The following PDE1C variants were observed in gnomAD, a reference collection of about 807,000 sequenced individuals.
PDE1C encodes phosphodiesterase 1C.
A neutral mutation model predicts 93.1 loss-of-function variants in PDE1C; 62 were observed. The observed-to-expected ratio is 0.67, with a 90% CI of 0.54 to 0.82. The LOEUF is 0.82. Ranked by LOEUF, PDE1C falls within the 40% of genes least tolerant of loss-of-function variation. The pLI, the probability that PDE1C is intolerant of heterozygous loss-of-function variation, is 0.00. For missense variants in PDE1C, 742 were observed against 884.6 expected (o/e 0.84, Z 2.04); for synonymous variants, 325 against 310.1 (o/e 1.05, Z -0.50).
chr7:31,770,789 GC>G (rs1795436866), intron 17 of PDE1C, among the ~76,000 whole-genome samples: 1 of 152,050 alleles, frequency 6.6e-6, no homozygotes, highest in South Asian at 2.1e-4. Context: ...GAGCCACCAA[GC>G]CCAGCCGTTT....
chr7:31,855,287 C>T (rs565744360), intron 7 of PDE1C, among the ~76,000 whole-genome samples: 2 of 152,114 alleles, frequency 1.3e-5, no homozygotes, highest in Non-Finnish European at 2.9e-5. Context: ...TCCACAGTTT[C>T]CCTCTTCACC....
chr7:32,027,424 G>C (rs1258123015), intron 2 of PDE1C, among the ~76,000 whole-genome samples: 2 of 151,896 alleles, frequency 1.3e-5, no homozygotes, highest in African/African-American at 4.8e-5. Context: ...ATGGTGTATT[G>C]TGTGGGTTTC....
intron 1 of PDE1C, among the ~76,000 whole-genome samples, chr7:32,260,881 G>C (rs1176870662): frequency 6.6e-6 from 1 of 152,232 alleles, no homozygotes; most frequent in Non-Finnish European, 1.5e-5. Flanking sequence ...AGCACTTTGG[G>C]AGGCCCAGGT....
At chr7:31,907,772 T>C (rs1800775948) in intron 2 of PDE1C, among the ~76,000 whole-genome samples, 1 of 152,186 alleles carries the variant, frequency 6.6e-6, no homozygotes, top group Non-Finnish European at 1.5e-5. Flanking sequence ...AAGCCATTCA[T>C]AAAGTGAGTT....
chr7:32,332,829 G>A (rs6951339), intron 1 of PDE1C, among the ~76,000 whole-genome samples: 3,727 of 152,140 alleles, frequency 0.024, 78 homozygotes, highest in African/African-American at 0.054. Context: ...CTCAAAAACA[G>A]GCAAAACTAT....
chr7:32,422,394 G>T (rs1317342655), intron 1 of PDE1C, among the ~76,000 whole-genome samples: 1 of 152,092 alleles, frequency 6.6e-6, no homozygotes, highest in African/African-American at 2.4e-5. Flanking sequence ...TGGATATATT[G>T]CATGGTGCTG....
At chr7:32,078,261 C>T (rs1739920405) in intron 3 of PDE1C, among the ~76,000 whole-genome samples, 2 of 152,210 alleles carry the variant, frequency 1.3e-5, no homozygotes, top group Admixed American at 1.3e-4. Context: ...GCAGTCACCA[C>T]ACAAGTTGGC....
intron 7 of PDE1C, among the ~76,000 whole-genome samples, chr7:31,851,558 T>C (rs1199099347): frequency 6.6e-6 from 1 of 152,238 alleles, no homozygotes; most frequent in Non-Finnish European, 1.5e-5. Context: ...CTGTAAACCA[T>C]CCTGCCCCAT....
intron 16 of PDE1C, among the ~76,000 whole-genome samples, chr7:31,779,732 C>T (rs940626092): frequency 6.6e-6 from 1 of 152,146 alleles, no homozygotes; most frequent in African/African-American, 2.4e-5. Context: ...GAGTCAGCCT[C>T]CCACTGGCTT....
rs116824699 is a variant in PDE1C, at chr7:32,204,690, T to C, written c.136+4799A>G. On this transcript the variant is annotated intron_variant, in intron 2 of 18. Transcript: ENST00000396193. Reference sequence around the variant, plus strand: ...ATGTGGTATTTGGAGTTTTTTCCAATGAAGATTAGAAGTTACCTTTTTTAC... The same window carrying C: ...ATGTGGTATTTGGAGTTTTTTCCAACGAAGATTAGAAGTTACCTTTTTTAC... Among the ~76,000 whole-genome samples the C allele has an allele frequency of 1.8e-3, 280 of 152,362 alleles. 1 individual carries two copies. The highest frequency in any genetic ancestry group is 6.2e-3 in the African/African-American group (258 of 41,594).
chr7:32,168,271 A>C (rs1246556313), intron 3 of PDE1C, among the ~76,000 whole-genome samples: 1 of 152,232 alleles, frequency 6.6e-6, no homozygotes, highest in Non-Finnish European at 1.5e-5. Context: ...ACACTGCTAC[A>C]CGTTACAACT....
chr7:32,094,411 A>G (rs1396141119), intron 3 of PDE1C, among the ~76,000 whole-genome samples: 2 of 152,156 alleles, frequency 1.3e-5, no homozygotes, highest in Non-Finnish European at 2.9e-5. Flanking sequence ...AGCACATGAT[A>G]TTTTGCTTGA....
At chr7:32,335,007 T>C (rs1783588907) in intron 1 of PDE1C, among the ~76,000 whole-genome samples, 3 of 152,228 alleles carry the variant, frequency 2.0e-5, no homozygotes, top group Admixed American at 2.0e-4. Context: ...GTAAAATCTT[T>C]CTTCTCCTAT....
chr7:32,211,900 C>A (rs757728904), intron 1 of PDE1C, among the ~76,000 whole-genome samples: 1 of 151,416 alleles, frequency 6.6e-6, no homozygotes, highest in Non-Finnish European at 1.5e-5. Context: ...GTGGAGCATG[C>A]CTGTAATGCC....
intron 2 of PDE1C, among the ~76,000 whole-genome samples, chr7:32,178,267 A>T (rs1803141828): frequency 6.6e-6 from 1 of 152,126 alleles, no homozygotes; most frequent in Non-Finnish European, 1.5e-5. Context: ...GCCATGGCTC[A>T]TCTCAACTCA....
At chr7:31,750,330 T>C (rs1252505240), downstream of PDE1C, among the ~76,000 whole-genome samples, 3 of 152,118 alleles carry the variant, frequency 2.0e-5, no homozygotes, top group Non-Finnish European at 4.4e-5. Context: ...GGAGAAATTG[T>C]TGGAGGTGGG....
intron 2 of PDE1C, among the ~76,000 whole-genome samples, chr7:31,971,442 T>C (rs1447188893): frequency 1.3e-5 from 2 of 152,136 alleles, no homozygotes; most frequent in African/African-American, 4.8e-5. Flanking sequence ...AGTTTCCTCA[T>C]CAATCAAATG....
At chr7:31,802,163 C>G (rs915158391) in intron 16 of PDE1C, among the ~76,000 whole-genome samples, 1 of 151,178 alleles carries the variant, frequency 6.6e-6, no homozygotes, top group African/African-American at 2.4e-5. Flanking sequence ...CTTTTTCTAC[C>G]TTGTTCTGGA....
chr7:31,721,808 C>A, the PDE1C span, among the ~76,000 whole-genome samples: 2 of 152,150 alleles, frequency 1.3e-5, no homozygotes, highest in Non-Finnish European at 2.9e-5. Context: ...TTTGTGGTTG[C>A]ACAAAGAAGG....
Sources: gnomAD v4.1 joint callset for allele counts (sites outside exome capture counted in the v4.1 genomes callset) on GRCh38, gnomAD v4.1.1 for gene constraint, MANE v1.5 for transcripts, NCBI Gene and HGNC (gene_info 2026-07-23, HGNC 2026-07-21) for gene names.